CAMK2D: variants seen among roughly 807,000 people sequenced by gnomAD.
The protein encoded by CAMK2D is calcium/calmodulin dependent protein kinase II delta.
CAMK2D carries 37 observed loss-of-function variants against 84.0 expected under a neutral mutation model. That is an observed-to-expected ratio of 0.44 (90% CI 0.34 to 0.58). The LOEUF is 0.58. Ranked by LOEUF, CAMK2D falls within the 20% of genes least tolerant of loss-of-function variation. The pLI is 0.02. For missense variants in CAMK2D, 448 were observed against 652.5 expected (o/e 0.69, Z 3.41); for synonymous variants, 202 against 212.5 (o/e 0.95, Z 0.43).
intron 4 of CAMK2D, among the ~76,000 whole-genome samples, chr4:113,570,497 A>G (rs1024082276): frequency 1.3e-5 from 2 of 152,286 alleles, no homozygotes; most frequent in East Asian, 3.9e-4. Flanking sequence ...AAATACATAC[A>G]TTTATGGTCA....
chr4:113,701,230 C>T (rs1245638388), intron 2 of CAMK2D, among the ~76,000 whole-genome samples: 1 of 152,198 alleles, frequency 6.6e-6, no homozygotes, highest in African/African-American at 2.4e-5. Flanking sequence ...CAAACGTAGA[C>T]ACTGTGGGCT....
chr4:113,508,570 T>TATCA (rs1206438010), intron 13 of CAMK2D, among the ~76,000 whole-genome samples: 4 of 152,322 alleles, frequency 2.6e-5, no homozygotes, highest in South Asian at 4.1e-4. Context: ...AGTCATCAAC[T>TATCA]ATCATTCTTA....
At chr4:113,728,008 T>A (rs1313323317) in intron 2 of CAMK2D, among the ~76,000 whole-genome samples, 2 of 152,064 alleles carry the variant, frequency 1.3e-5, no homozygotes, top group East Asian at 3.9e-4. Context: ...AGACTGACAA[T>A]ACCAAATGCT....
chr4:113,645,562 A>G (rs1292675872), intron 3 of CAMK2D, among the ~76,000 whole-genome samples: 2 of 152,124 alleles, frequency 1.3e-5, no homozygotes, highest in African/African-American at 4.8e-5. Context: ...GAGATAACCA[A>G]CCTTTCTCTT....
rs371295839 is a variant in CAMK2D at position 113,458,000 on chromosome 4, TTGGTGAAGTA to T, written c.1307-447_1307-438del. Among the ~76,000 whole-genome samples, 781 of 152,296 alleles carry T rather than the reference TTGGTGAAGTA, an allele frequency of 5.1e-3. 6 individuals carry two copies. The highest frequency in any genetic ancestry group is 0.018 in the African/African-American group (729 of 41,558). ...TTGTGGTGGTGGTTGTTTTTGTTAG[TTGGTGAAGTA>T]TGTGGGAGAAGGGAAATATATCAAG... is the stretch of plus-strand genomic sequence containing the variant. On this transcript the variant is annotated intron_variant, in intron 18 of 20. Transcript: ENST00000511664.
At chr4:113,629,472 C>T (rs17046302) in intron 3 of CAMK2D, among the ~76,000 whole-genome samples, 13,840 of 151,910 alleles carry the variant, frequency 0.091, 1,902 homozygotes, top group African/African-American at 0.29. Context: ...TGACTCAATG[C>T]ATATATAAAC....
In CAMK2D at chr4:113,630,351, C is replaced by T. The variant is rs76040080; in HGVS notation, c.221-21145G>A. The stretch of plus-strand genomic sequence containing the variant: ...CACTAAAATTAATGAATTATTAGAC[C>T]TGGGGTTATGCGGTCTTTGAGAAAA... On this transcript the variant is annotated intron_variant, in intron 3 of 20. Coordinates refer to ENST00000511664, the MANE Select transcript of CAMK2D (RefSeq NM_001321571.2). 5.6e-3 allele frequency among the ~76,000 whole-genome samples: 852 copies of T among 152,168 alleles called. 35 individuals carry two copies. The East Asian group carries it at 0.11, about 20-fold the overall frequency.
intron 2 of CAMK2D, among the ~76,000 whole-genome samples, chr4:113,744,619 T>C (rs546807682): frequency 6.6e-6 from 1 of 152,330 alleles, no homozygotes; most frequent in Admixed American, 6.5e-5. Context: ...TCTTATCCAC[T>C]AGCATAGCTT....
At chr4:113,607,211 A>G (rs2098981548) in intron 4 of CAMK2D, among the ~76,000 whole-genome samples, 1 of 152,192 alleles carries the variant, frequency 6.6e-6, no homozygotes, top group Non-Finnish European at 1.5e-5. Context: ...AAGTAAAAAC[A>G]AGAGCTGAGA....
chr4:113,737,406 T>C (rs2099583679), intron 2 of CAMK2D, among the ~76,000 whole-genome samples: 1 of 152,146 alleles, frequency 6.6e-6, no homozygotes, highest in Non-Finnish European at 1.5e-5. Flanking sequence ...AAGTAGTGTA[T>C]GCTTCCACCT....
intron 4 of CAMK2D, among the ~76,000 whole-genome samples, chr4:113,596,221 T>G (rs1027796487): frequency 6.6e-6 from 1 of 152,226 alleles, no homozygotes; most frequent in African/African-American, 2.4e-5. Context: ...TGCAGTCACA[T>G]CTGCAGATTA....
At chr4:113,632,138 C>T (rs2099092250) in intron 3 of CAMK2D, among the ~76,000 whole-genome samples, 1 of 152,176 alleles carries the variant, frequency 6.6e-6, no homozygotes, top group Non-Finnish European at 1.5e-5. Flanking sequence ...GGTTCCTGAT[C>T]TAAGTGGAAA....
At chr4:113,547,012 ATAT>A (rs1309843100) in intron 6 of CAMK2D, among the ~76,000 whole-genome samples, 2 of 152,148 alleles carry the variant, frequency 1.3e-5, no homozygotes, top group African/African-American at 4.8e-5. Context: ...TGCTACATAA[ATAT>A]TATTTGATGA....
At chr4:113,658,747 C>G (rs7680434) in intron 3 of CAMK2D, among the ~76,000 whole-genome samples, 3 of 151,986 alleles carry the variant, frequency 2.0e-5, no homozygotes. Flanking sequence ...GCCAGTGTTA[C>G]AATTTTTGAG....
chr4:113,566,830 CT>C (rs1454170176), intron 4 of CAMK2D, among the ~76,000 whole-genome samples: 7 of 152,198 alleles, frequency 4.6e-5, no homozygotes, highest in Non-Finnish European at 8.8e-5. Context: ...CCATCAGCCC[CT>C]AGTTACGCAC....
intron 16 of CAMK2D, among the ~76,000 whole-genome samples, chr4:113,476,738 TTC>T (rs1589866597): frequency 6.6e-6 from 1 of 152,214 alleles, no homozygotes; most frequent in African/African-American, 2.4e-5. Context: ...ATATAACTTC[TTC>T]AATTACCCCT....
intron 13 of CAMK2D, among the ~76,000 whole-genome samples, chr4:113,508,447 A>C (rs1481445715): frequency 6.6e-6 from 1 of 152,232 alleles, no homozygotes; most frequent in East Asian, 1.9e-4. Context: ...TAAATATCTC[A>C]ATAGGAACTG....
chr4:113,551,975 GA>G, intron 5 of CAMK2D, 55 bp downstream of exon 5: 2 of 803,478 alleles, frequency 2.5e-6, no homozygotes, highest in African/African-American at 1.8e-5. Context: ...GAAATATGCT[GA>G]AAAAGTATTA....
intron 2 of CAMK2D, among the ~76,000 whole-genome samples, chr4:113,736,619 T>G (rs1258765605): frequency 1.3e-5 from 2 of 152,212 alleles, no homozygotes; most frequent in Non-Finnish European, 2.9e-5. Context: ...GTCTAGGACA[T>G]TGACAGCACT....
Sources: gnomAD v4.1 joint callset for allele counts (sites outside exome capture counted in the v4.1 genomes callset) on GRCh38, gnomAD v4.1.1 for gene constraint, MANE v1.5 for transcripts, NCBI Gene and HGNC (gene_info 2026-07-23, HGNC 2026-07-21) for gene names.